Variants in GPATCH2L observed in about 807,000 individuals in gnomAD.
GPATCH2L encodes G patch domain-containing protein 2-like.
Under a neutral mutation model 57.4 loss-of-function variants are expected in GPATCH2L, and 31 were observed. The ratio of observed to expected loss-of-function variants is 0.54; its 90% confidence interval spans 0.41 to 0.73. The LOEUF is 0.73. Ranked by LOEUF, GPATCH2L falls within the 30% of genes least tolerant of loss-of-function variation. The pLI is 0.00. For synonymous variants in GPATCH2L, 199 were observed against 210.7 expected (o/e 0.94, Z 0.48); for missense variants, 481 against 599.9 (o/e 0.80, Z 2.07).
rs1311133742 is a variant in GPATCH2L, at chr14:76,213,395, A to G, written c.*11544A>G. ...TAGAAGAAATGAAGTAAGTATTTCA[A>G]TTAGCATGACAGACTAAATACTTTT... On this transcript the variant is annotated 3_prime_UTR_variant, in exon 10 of 10. Transcript: ENST00000261530. 6.6e-6 allele frequency: 1 copy of G among 152,232 alleles called. No individual in the cohort carries two copies. Among genetic ancestry groups the G allele is most frequent in the Non-Finnish European group, 1.5e-5 (1 of 68,042 alleles). 9.4% of individuals were successfully genotyped at this position (152,232 alleles called of 1,614,324 possible). A position where few individuals can be genotyped will look rare whatever the true frequency, so the allele number is the denominator to read the frequency against.
chr14:76,233,453 C>G (rs1335262964), intron 2 of GPATCH2L, among the ~76,000 whole-genome samples: 1 of 152,120 alleles, frequency 6.6e-6, no homozygotes, highest in Non-Finnish European at 1.5e-5. Context: ...AAAGGTTTTT[C>G]TTGTGGAGAA....
chr14:76,186,386 C>T (rs1008898446), intron 8 of GPATCH2L, among the ~76,000 whole-genome samples: 16 of 152,280 alleles, frequency 1.1e-4, no homozygotes, highest in African/African-American at 3.8e-4. Context: ...GCTGGCTGTG[C>T]CACTTGACAA....
chr14:76,211,095 A>C lies in GPATCH2L; in HGVS notation c.*9244A>C, dbSNP rs1566824389. 1.3e-5 allele frequency: 2 copies of C among 152,222 alleles called. No individual in the cohort carries two copies. The highest frequency in any genetic ancestry group is 2.9e-5 in the Non-Finnish European group (2 of 68,044). 9.4% of individuals were successfully genotyped at this position (152,222 alleles called of 1,614,324 possible). On this transcript the variant is annotated 3_prime_UTR_variant, in exon 10 of 10. Coordinates refer to ENST00000261530, the MANE Select transcript of GPATCH2L (RefSeq NM_017926.4). ...AAAGAAATCCTGAAGGATAAGCAGGAGTTAAGAAGAGTGGATGAAGCCCTC... is the reference window on the plus strand; with the variant it reads ...AAAGAAATCCTGAAGGATAAGCAGGCGTTAAGAAGAGTGGATGAAGCCCTC...
rs760587675 is a variant in GPATCH2L at position 76,154,412 on chromosome 14, G to A, written c.49G>A (p.Glu17Lys). 3 of 1,613,690 alleles carry A rather than the reference G, an allele frequency of 1.9e-6. No individual in the cohort carries two copies. Among genetic ancestry groups the A allele is most frequent in the East Asian group, 2.2e-5 (1 of 44,878 alleles). Reference sequence around the variant, plus strand: ...AGCCTCAGCCTTGGAGCAGACATCTGAGCAGAATAAGCTTGGTGAACTGTG... The same window carrying A: ...AGCCTCAGCCTTGGAGCAGACATCTAAGCAGAATAAGCTTGGTGAACTGTG... ...DLASALEQTSEQNKLGELWEE... is the reference protein window; with the variant it reads ...DLASALEQTSKQNKLGELWEE... Residue 17 changes from glutamate to lysine, a missense_variant, in exon 2 of 10, where the codon GAG (glutamate) becomes AAG (lysine). By Grantham distance (56) the Glu-to-Lys change is moderately conservative. Transcript: ENST00000261530. The surrounding 1 kb of genome is among the most constrained non-coding windows in gnomAD (Gnocchi z 4.4).
intron 2 of GPATCH2L, 41 bp from the exon 3 acceptor site, chr14:76,166,622 C>T (rs1474904802): frequency 6.4e-6 from 9 of 1,401,012 alleles, no homozygotes; most frequent in Non-Finnish European, 9.1e-6. Flanking sequence ...TTGTTTTTGA[C>T]TGGAGCTGAT....
rs2040349763 is a variant in GPATCH2L at position 76,204,217 on chromosome 14, G to T, written c.*2366G>T. The T allele has an allele frequency of 6.6e-6, 1 of 152,192 alleles. No individual in the cohort carries two copies. Among genetic ancestry groups the T allele is most frequent in the African/African-American group, 2.4e-5 (1 of 41,440 alleles). The allele number at this position is 152,192 out of a possible 1,614,324, so 9.4% of individuals were successfully genotyped here. A position where few individuals can be genotyped will look rare whatever the true frequency, so the allele number is the denominator to read the frequency against. On this transcript the variant is annotated 3_prime_UTR_variant, in exon 10 of 10. Transcript: ENST00000261530. Reference sequence around the variant, plus strand: ...CAGTGATAGACCTGAGTCAGTCTGAGATGCTTATTTATGAAACAGTATACC... The same window carrying T: ...CAGTGATAGACCTGAGTCAGTCTGATATGCTTATTTATGAAACAGTATACC...
At chr14:76,184,124 G>T (rs893364542) in intron 8 of GPATCH2L, among the ~76,000 whole-genome samples, 3 of 151,562 alleles carry the variant, frequency 2.0e-5, no homozygotes, top group Admixed American at 2.0e-4. Flanking sequence ...AGTGTTTCCT[G>T]TTTTATCACA....
At position 76,182,946 on chromosome 14, in the gene GPATCH2L, A is replaced by C. The variant is rs550315328; in HGVS notation, c.1193+2097A>C. ...AAACAGTCCTTTAGCTTTTTGTCTT[A>C]ATACCAAATAAAATAATGTCTGTGT... On this transcript the variant is annotated intron_variant, in intron 8 of 9. Transcript: ENST00000261530. 1.3e-4 allele frequency among the ~76,000 whole-genome samples: 20 copies of C among 152,364 alleles called. No homozygotes were observed. The East Asian group carries it at 3.9e-3, about 29-fold the overall frequency.
intron 8 of GPATCH2L, among the ~76,000 whole-genome samples, chr14:76,190,879 C>T (rs918392295): frequency 2.0e-5 from 3 of 152,200 alleles, no homozygotes; most frequent in Admixed American, 6.5e-5. Context: ...TTATATAATT[C>T]GGATAACCAT....
chr14:76,192,532 T>G (rs1163292417), intron 8 of GPATCH2L, among the ~76,000 whole-genome samples: 1 of 152,126 alleles, frequency 6.6e-6, no homozygotes, highest in Non-Finnish European at 1.5e-5. Context: ...GAACATACCT[T>G]CTCTTCATTG....
At chr14:76,180,716 G>A (rs896542040) in intron 7 of GPATCH2L, 48 bp from the exon 8 acceptor site, 4 of 1,205,942 alleles carry the variant, frequency 3.3e-6, no homozygotes, top group Non-Finnish European at 5.0e-6. Context: ...TTAGGATCAG[G>A]TCCGTTTCAT....
rs1353461571 is a variant in GPATCH2L, at chr14:76,173,606, G to A, written c.965G>A (p.Arg322Gln). ...GCAGCTCGATGCCTCAGAAAGGGGC[G>A]AAGAAGGCTGGTTGGGAAGGTGATA... ...GAAARCLRKG[R>Q]RRLVGKETSI... The change falls in exon 5 of 10, where the codon CGA becomes CAA. Residue 322 changes from arginine (R) to glutamine (Q), a missense_variant. Physicochemically the swap from Arg to Gln is conservative, Grantham distance 43. This residue lies in a region of GPATCH2L where 248 missense variants were observed against 270.5 expected (regional missense o/e 0.92). Coordinates refer to ENST00000261530, the MANE Select transcript of GPATCH2L (RefSeq NM_017926.4). 4 of 1,609,552 alleles carry A rather than the reference G, an allele frequency of 2.5e-6. No homozygotes were observed. Among genetic ancestry groups the A allele is most frequent in the Non-Finnish European group, 2.6e-6 (3 of 1,175,842 alleles).
chr14:76,186,249 GT>G (rs2139750988), intron 8 of GPATCH2L, among the ~76,000 whole-genome samples: 1 of 151,846 alleles, frequency 6.6e-6, no homozygotes, highest in East Asian at 1.9e-4. Flanking sequence ...CAGAGTTGGG[GT>G]TAAAAAAAAA....
rs76130631 is a variant in GPATCH2L at position 76,165,689 on chromosome 14, T to C, written c.663-974T>C. 4.8e-3 allele frequency among the ~76,000 whole-genome samples: 731 copies of C among 152,324 alleles called. 5 individuals carry two copies. The highest frequency in any genetic ancestry group is 0.017 in the African/African-American group (707 of 41,580). ...GCTTGAGTGAGGAAAGCATTGCTCC[T>C]TAATTTAATTGGCATTTTTAAGATT... On this transcript the variant is annotated intron_variant, in intron 2 of 9. Transcript: ENST00000261530.
At chr14:76,216,688 G>T (rs935960241), downstream of GPATCH2L, among the ~76,000 whole-genome samples, 3 of 152,116 alleles carry the variant, frequency 2.0e-5, no homozygotes, top group Non-Finnish European at 2.9e-5. Flanking sequence ...CACATTGATT[G>T]TAAAGTTCAT....
At chr14:76,155,707 CAGAT>C (rs1338607275) in intron 2 of GPATCH2L, among the ~76,000 whole-genome samples, 3 of 152,122 alleles carry the variant, frequency 2.0e-5, no homozygotes, top group African/African-American at 4.8e-5. Context: ...TTTTACATCT[CAGAT>C]AGTCCTAGGA....
chr14:76,201,549 C>CGTA (rs2040310490), intron 9 of GPATCH2L, 142 bp from the exon 10 acceptor site: 2 of 475,126 alleles, frequency 4.2e-6, no homozygotes, highest in Non-Finnish European at 7.5e-6. Context: ...GAAAGAGATA[C>CGTA]CTTACGTGGC....
intron 1 of GPATCH2L, among the ~76,000 whole-genome samples, chr14:76,220,127 A>G (rs930194780): frequency 6.6e-5 from 10 of 152,362 alleles, no homozygotes; most frequent in African/African-American, 2.2e-4. Context: ...AGAATTCACC[A>G]GAGGTTAGTC....
At chr14:76,166,576 A>G in intron 2 of GPATCH2L, 87 bp from the exon 3 acceptor site, 1 of 780,510 alleles carries the variant, frequency 1.3e-6, no homozygotes, top group Non-Finnish European at 2.2e-6. Context: ...GAGTGAAATT[A>G]GGGAAGCTTG....
Sources: allele counts gnomAD v4.1 joint callset (sites outside exome capture counted in the v4.1 genomes callset), GRCh38; gene constraint gnomAD v4.1.1; regional missense constraint gnomAD v4.1.1; non-coding constraint Gnocchi (gnomAD v3.1); transcripts MANE v1.5; gene names NCBI Gene and HGNC (gene_info 2026-07-23, HGNC 2026-07-21).